Variants in RIMS2 observed in about 807,000 individuals in gnomAD.
RIMS2 encodes regulating synaptic membrane exocytosis 2, also known as regulating synaptic membrane exocytosis protein 2.
In RIMS2, 59 loss-of-function variants were observed where a neutral mutation model predicts 174.4. The ratio of observed to expected loss-of-function variants is 0.34; its 90% confidence interval spans 0.27 to 0.42. RIMS2 has a LOEUF of 0.42. Among genes scored for constraint, RIMS2 ranks in the 10% least tolerant of loss-of-function variants. RIMS2 has a pLI of 1.00. For synonymous variants in RIMS2, 606 were observed against 572.5 expected, an observed-to-expected ratio of 1.06 and a Z score of -0.84; for missense variants, 1,620 against 1,666.3, an observed-to-expected ratio of 0.97 and a Z score of 0.48.
chr8:103,664,220 C>T (rs4001966), intron 1 of RIMS2, among the ~76,000 whole-genome samples: 17,649 of 152,204 alleles, frequency 0.12, 1,364 homozygotes, highest in Non-Finnish European at 0.17. Flanking sequence ...TAGGCATGGT[C>T]AAAGACTTCA....
At chr8:103,724,102 A>T (rs7841801) in intron 2 of RIMS2, among the ~76,000 whole-genome samples, 7,138 of 117,942 alleles carry the variant, frequency 0.061, 560 homozygotes, top group African/African-American at 0.2. Context: ...TACTGCAGGG[A>T]TGTGAGGGAG....
intron 19 of RIMS2, among the ~76,000 whole-genome samples, chr8:104,191,834 G>A (rs1294009515): frequency 1.3e-5 from 2 of 152,100 alleles, no homozygotes; most frequent in Non-Finnish European, 2.9e-5. Flanking sequence ...TGAATTCCTG[G>A]CCTCAGCCAA....
intron 1 of RIMS2, among the ~76,000 whole-genome samples, chr8:103,519,165 A>C (rs1484038713): frequency 6.6e-6 from 1 of 152,146 alleles, no homozygotes; most frequent in Non-Finnish European, 1.5e-5. Context: ...GTATAGAATA[A>C]ACAATTCAGT....
intron 1 of RIMS2, among the ~76,000 whole-genome samples, chr8:103,545,641 C>A (rs1293016567): frequency 6.6e-6 from 1 of 152,138 alleles, no homozygotes; most frequent in Non-Finnish European, 1.5e-5. Flanking sequence ...GGCACACCCC[C>A]TACAAAGGGA....
chr8:103,749,794 GTTAACCAAT>G (rs1192200983), intron 2 of RIMS2, among the ~76,000 whole-genome samples: 1 of 152,026 alleles, frequency 6.6e-6, no homozygotes, highest in African/African-American at 2.4e-5. Context: ...TTACATAAAT[GTTAACCAAT>G]TCATTTTATA....
intron 1 of RIMS2, among the ~76,000 whole-genome samples, chr8:103,559,693 T>C (rs934588236): frequency 1.3e-5 from 2 of 152,204 alleles, no homozygotes; most frequent in Admixed American, 6.5e-5. Flanking sequence ...TTAATGAAAT[T>C]ATATCAATAT....
intron 1 of RIMS2, among the ~76,000 whole-genome samples, chr8:103,533,999 T>A (rs1434135302): frequency 6.6e-6 from 1 of 152,232 alleles, no homozygotes; most frequent in Non-Finnish European, 1.5e-5. Flanking sequence ...AAATTTTATT[T>A]CAATTTTTTG....
intron 2 of RIMS2, among the ~76,000 whole-genome samples, chr8:103,756,390 G>GT (rs60639460): frequency 0.22 from 24,553 of 112,220 alleles, 2,242 homozygotes; most frequent in Middle Eastern, 0.29. Context: ...TGTTGTTTTT[G>GT]TTTTTTTTTT....
chr8:103,936,121 GAATAT>G (rs2081196220), intron 12 of RIMS2, among the ~76,000 whole-genome samples: 1 of 152,106 alleles, frequency 6.6e-6, no homozygotes, highest in African/African-American at 2.4e-5. Flanking sequence ...AAGAAGTTGT[GAATAT>G]CACAATTTAC....
At chr8:103,593,813 TAAAAA>T (rs2094369550) in intron 1 of RIMS2, among the ~76,000 whole-genome samples, 1 of 151,254 alleles carries the variant, frequency 6.6e-6, no homozygotes, top group Non-Finnish European at 1.5e-5. Context: ...TATTAATAAT[TAAAAA>T]TCAATTTAAA....
intron 3 of RIMS2, among the ~76,000 whole-genome samples, chr8:103,856,187 G>A (rs2099026797): frequency 6.6e-6 from 1 of 151,792 alleles, no homozygotes; most frequent in African/African-American, 2.4e-5. Flanking sequence ...TAGCAACTCT[G>A]TTATCTGATA....
chr8:104,226,203 A>T (rs1446478966), intron 19 of RIMS2, among the ~76,000 whole-genome samples: 1 of 152,238 alleles, frequency 6.6e-6, no homozygotes, highest in Non-Finnish European at 1.5e-5. Context: ...AAGAGCACGG[A>T]TCTACTAACC....
chr8:103,831,099 G>A (rs757877549), intron 3 of RIMS2, among the ~76,000 whole-genome samples: 2 of 152,180 alleles, frequency 1.3e-5, no homozygotes, highest in African/African-American at 4.8e-5. Flanking sequence ...ATCAGCCATC[G>A]TGCCTGGATT....
intron 1 of RIMS2, among the ~76,000 whole-genome samples, chr8:103,662,945 C>T (rs781374676): frequency 7.2e-5 from 11 of 151,986 alleles, no homozygotes; most frequent in East Asian, 1.9e-4. Context: ...CCCAGGCAGG[C>T]GAATCATCAG....
intron 15 of RIMS2, among the ~76,000 whole-genome samples, chr8:103,971,571 GTT>G (rs887127417): frequency 6.9e-6 from 1 of 145,548 alleles, no homozygotes; most frequent in South Asian, 2.2e-4. Flanking sequence ...TAGTAGCATA[GTT>G]TTTTTTTTTT....
Position 103,781,738 on chromosome 8 carries a change from CTTTTTTTT to C in RIMS2, c.698+15220_698+15227del, listed in dbSNP as rs11308922. On this transcript the variant is annotated intron_variant, in intron 3 of 23. Coordinates refer to ENST00000504942, the Ensembl canonical transcript of RIMS2. ...TCTTCCGTATATTATCTCCCCTAAT[CTTTTTTTT>C]TTTTTTTTTTTTTTTTTTGAGACAG... is the stretch of plus-strand genomic sequence containing the variant. Among the ~76,000 whole-genome samples, 608 of 88,448 alleles carry C rather than the reference CTTTTTTTT, an allele frequency of 6.9e-3. 2 individuals are homozygous for C. The highest frequency in any genetic ancestry group is 8.9e-3 in the Admixed American group (74 of 8,298). 58.0% of individuals were successfully genotyped at this position (88,448 alleles called of 152,430 possible).
At chr8:104,217,575 T>C (rs1286323623) in intron 19 of RIMS2, among the ~76,000 whole-genome samples, 1 of 152,198 alleles carries the variant, frequency 6.6e-6, no homozygotes, top group Admixed American at 6.5e-5. Context: ...AGCTTGCAAA[T>C]GTTTTTTGAC....
chr8:103,623,539 C>A (rs2095691980), intron 1 of RIMS2, among the ~76,000 whole-genome samples: 1 of 120,410 alleles, frequency 8.3e-6, no homozygotes, highest in South Asian at 2.6e-4. Context: ...GGCTGGAGTG[C>A]AGTGGCGCGA....
At chr8:104,180,801 A>T (rs1043603570) in intron 19 of RIMS2, among the ~76,000 whole-genome samples, 3 of 151,720 alleles carry the variant, frequency 2.0e-5, no homozygotes, top group African/African-American at 7.2e-5. Flanking sequence ...TAAATTTTTT[A>T]AATGTATTAA....
Sources: gnomAD v4.1 joint callset for allele counts (sites outside exome capture counted in the v4.1 genomes callset) on GRCh38, gnomAD v4.1.1 for gene constraint, MANE v1.5 for transcripts, NCBI Gene and HGNC (gene_info 2026-07-23, HGNC 2026-07-21) for gene names.